The following TPH2 variants were observed in gnomAD, a reference collection of about 807,000 sequenced individuals.
TPH2 encodes the protein tryptophan hydroxylase 2.
Under a neutral mutation model 59.1 loss-of-function variants are expected in TPH2, and 27 were observed. That is an observed-to-expected ratio of 0.46 (90% CI 0.34 to 0.63). The LOEUF (loss-of-function observed/expected upper bound fraction) is 0.63, where lower values mean the gene tolerates loss of function less well. TPH2 is among the 30% of genes least tolerant of loss of function. The pLI is 0.01. For missense variants in TPH2, 523 were observed against 588.3 expected (o/e 0.89, Z 1.15); for synonymous variants, 220 against 210.5 (o/e 1.05, Z -0.39).
chr12:72,019,798 T>C (rs1441527474), intron 8 of TPH2, among the ~76,000 whole-genome samples: 3 of 152,158 alleles, frequency 2.0e-5, no homozygotes, highest in African/African-American at 7.2e-5. Flanking sequence ...GAAGTATTTG[T>C]AGAATAGGTG....
rs78761478 is a variant in TPH2, at chr12:72,031,247, A to G, written c.1165-11A>G. 2.1e-5 allele frequency: 34 copies of G among 1,613,108 alleles called. No homozygotes were observed. The Admixed American group carries it at 3.5e-4, about 17-fold the overall frequency. The stretch of plus-strand genomic sequence containing the variant: ...TACAGAGTTTAACAGGTTTTGTGGT[A>G]TATTTTGCAGCACGCCCTTTCTGAC... On this transcript the variant is annotated splice_polypyrimidine_tract_variant and intron_variant, in intron 9 of 10. Coordinates refer to ENST00000333850, the MANE Select transcript of TPH2 (RefSeq NM_173353.4).
chr12:71,951,556 C>T (rs963549234), intron 5 of TPH2, among the ~76,000 whole-genome samples: 6 of 152,166 alleles, frequency 3.9e-5, no homozygotes, highest in African/African-American at 1.4e-4. Flanking sequence ...CTTTGTTGCT[C>T]TGACTGTTCT....
At chr12:72,024,441 T>G (rs975875226) in intron 9 of TPH2, among the ~76,000 whole-genome samples, 2 of 152,226 alleles carry the variant, frequency 1.3e-5, no homozygotes, top group Non-Finnish European at 2.9e-5. Context: ...TATGGTAATT[T>G]TTTTAAAAAG....
intron 4 of TPH2, among the ~76,000 whole-genome samples, chr12:71,945,274 T>C (rs1295896882): frequency 2.0e-5 from 3 of 152,160 alleles, no homozygotes; most frequent in Non-Finnish European, 4.4e-5. Context: ...TAAAGAAATA[T>C]GATACTTGGG....
At chr12:71,974,226 C>T (rs896221540) in intron 6 of TPH2, among the ~76,000 whole-genome samples, 10 of 152,104 alleles carry the variant, frequency 6.6e-5, no homozygotes, top group Admixed American at 6.5e-5. Flanking sequence ...CCACTTTATC[C>T]CCCAATCCCA....
At chr12:71,993,867 G>A (rs767040105) in intron 7 of TPH2, among the ~76,000 whole-genome samples, 82 of 152,236 alleles carry the variant, frequency 5.4e-4, no homozygotes, top group Non-Finnish European at 1.1e-3. Context: ...ACTATCTATA[G>A]CAAGAAACAG....
At chr12:71,944,977 C>T in intron 4 of TPH2, among the ~76,000 whole-genome samples, 1 of 152,100 alleles carries the variant, frequency 6.6e-6, no homozygotes, top group East Asian at 1.9e-4. Flanking sequence ...CTGAAATATA[C>T]CTGCAGATGG....
intron 1 of TPH2, among the ~76,000 whole-genome samples, chr12:71,939,941 G>A (rs184850173): frequency 1.6e-4 from 25 of 152,192 alleles, no homozygotes; most frequent in Admixed American, 6.5e-5. Flanking sequence ...TTTTAATTTC[G>A]TAGCTCCAAA....
intron 9 of TPH2, among the ~76,000 whole-genome samples, chr12:72,027,095 T>C (rs1873591446): frequency 6.6e-6 from 1 of 152,018 alleles, no homozygotes. Flanking sequence ...TTAATATAGA[T>C]AGTGAGTGTC....
chr12:71,987,510 C>A (rs192668435), intron 7 of TPH2, among the ~76,000 whole-genome samples: 1 of 152,054 alleles, frequency 6.6e-6, no homozygotes, highest in Non-Finnish European at 1.5e-5. Flanking sequence ...ACCTAACTTA[C>A]GGGAACTAAG....
chr12:72,002,586 G>A (rs186621185), intron 8 of TPH2, among the ~76,000 whole-genome samples: 92 of 152,140 alleles, frequency 6.0e-4, no homozygotes, highest in Admixed American at 1.4e-3. Context: ...AACACAAAAA[G>A]GAAGAAAATA....
intron 5 of TPH2, among the ~76,000 whole-genome samples, chr12:71,965,861 G>C (rs1275783501): frequency 2.6e-5 from 4 of 152,116 alleles, no homozygotes; most frequent in African/African-American, 9.7e-5. Flanking sequence ...ATTGCTTTTG[G>C]TGTCTTTGTC....
rs1873730711 is a variant in TPH2, at chr12:72,031,765, A to G, written c.*70A>G. ...GCAGCAGTTCAGTCAATGTCATATA[A>G]CGCAAATAACCTTCTGTGTCATGGC... On this transcript the variant is annotated 3_prime_UTR_variant, in exon 11 of 11. Coordinates refer to ENST00000333850, the MANE Select transcript of TPH2 (RefSeq NM_173353.4). The G allele has an allele frequency of 1.9e-6, 3 of 1,572,324 alleles. No individual in the cohort carries two copies. The highest frequency in any genetic ancestry group is 3.3e-5 in the Admixed American group (2 of 59,862).
intron 5 of TPH2, among the ~76,000 whole-genome samples, chr12:71,968,958 T>C (rs1337182018): frequency 4.6e-5 from 7 of 152,200 alleles, no homozygotes; most frequent in African/African-American, 1.2e-4. Context: ...ACTTCTGTTA[T>C]ATATATACAT....
intron 5 of TPH2, among the ~76,000 whole-genome samples, chr12:71,956,934 T>A (rs1219415533): frequency 2.0e-5 from 3 of 152,102 alleles, no homozygotes; most frequent in Non-Finnish European, 4.4e-5. Flanking sequence ...TATGACACTT[T>A]TTAACTGCTC....
chr12:71,986,497 T>C (rs1439429099), intron 7 of TPH2, among the ~76,000 whole-genome samples: 1 of 152,212 alleles, frequency 6.6e-6, no homozygotes, highest in Non-Finnish European at 1.5e-5. Flanking sequence ...TTTTAAAAAA[T>C]CATATACATT....
At chr12:71,969,022 GC>G (rs1400529022) in intron 5 of TPH2, among the ~76,000 whole-genome samples, 2 of 152,216 alleles carry the variant, frequency 1.3e-5, no homozygotes, top group Non-Finnish European at 2.9e-5. Context: ...GCTGGCTCAC[GC>G]CTGTAATCCC....
chr12:72,022,678 T>C (rs965125266), intron 9 of TPH2, among the ~76,000 whole-genome samples, 184 bp downstream of exon 9: 6 of 152,238 alleles, frequency 3.9e-5, no homozygotes, highest in Non-Finnish European at 8.8e-5. Flanking sequence ...GGGTCATGCC[T>C]TTCTGGATTT....
At chr12:72,008,821 T>C (rs1367642549) in intron 8 of TPH2, among the ~76,000 whole-genome samples, 1 of 152,070 alleles carries the variant, frequency 6.6e-6, no homozygotes, top group African/African-American at 2.4e-5. Flanking sequence ...CAGAAGCCCT[T>C]GTTCATTGTC....
Sources: gnomAD v4.1 joint callset for allele counts (sites outside exome capture counted in the v4.1 genomes callset) on GRCh38, gnomAD v4.1.1 for gene constraint, MANE v1.5 for transcripts, NCBI Gene and HGNC (gene_info 2026-07-23, HGNC 2026-07-21) for gene names.